The following SLC25A21 variants were observed in gnomAD, a reference collection of about 807,000 sequenced individuals.
SLC25A21 encodes the protein mitochondrial 2-oxodicarboxylate carrier.
SLC25A21 carries 47 observed loss-of-function variants against 43.8 expected under a neutral mutation model. The observed-to-expected ratio is 1.07, with a 90% CI of 0.85 to 1.37. The LOEUF (loss-of-function observed/expected upper bound fraction) is 1.37. Ranked by LOEUF, SLC25A21 falls within the 40% of genes most tolerant of loss-of-function variation. SLC25A21 has a pLI of 0.00. For missense variants in SLC25A21, 352 were observed against 350.2 expected (o/e 1.00, Z -0.04); for synonymous variants, 131 against 121.3 (o/e 1.08, Z -0.52).
intron 2 of SLC25A21, among the ~76,000 whole-genome samples, chr14:36,816,879 C>T (rs1396880577): frequency 2.0e-5 from 3 of 152,070 alleles, no homozygotes; most frequent in African/African-American, 4.8e-5. Context: ...ATCTTCATTT[C>T]TGTATTTGCA....
chr14:36,695,690 T>A (rs1458283380), intron 7 of SLC25A21, among the ~76,000 whole-genome samples: 1 of 152,188 alleles, frequency 6.6e-6, no homozygotes, highest in Non-Finnish European at 1.5e-5. Flanking sequence ...ATGGGAGTTC[T>A]CTCATGATTT....
At chr14:37,114,314 T>G (rs952702190) in intron 1 of SLC25A21, among the ~76,000 whole-genome samples, 2 of 152,206 alleles carry the variant, frequency 1.3e-5, no homozygotes, top group Non-Finnish European at 2.9e-5. Context: ...TTTGAAATGA[T>G]GTTTGAAAGA....
intron 1 of SLC25A21, among the ~76,000 whole-genome samples, chr14:36,910,626 TG>T (rs1891663049): frequency 6.6e-6 from 1 of 152,194 alleles, no homozygotes; most frequent in South Asian, 2.1e-4. Flanking sequence ...GGTTATTACC[TG>T]GGGGAATTCA....
chr14:36,960,026 C>T (rs1959449929), intron 1 of SLC25A21, among the ~76,000 whole-genome samples: 1 of 152,114 alleles, frequency 6.6e-6, no homozygotes, highest in African/African-American at 2.4e-5. Flanking sequence ...TAGGACTGTT[C>T]CCCATAAAAT....
chr14:36,805,155 G>A (rs374671335), intron 3 of SLC25A21, among the ~76,000 whole-genome samples: 4 of 152,130 alleles, frequency 2.6e-5, no homozygotes, highest in Non-Finnish European at 5.9e-5. Flanking sequence ...AGCACCACAC[G>A]CTGAGGGAGG....
intron 2 of SLC25A21, among the ~76,000 whole-genome samples, chr14:36,850,905 C>T (rs925441193): frequency 2.0e-5 from 3 of 152,102 alleles, no homozygotes; most frequent in African/African-American, 7.2e-5. Flanking sequence ...ACACAGGGAC[C>T]ACGGCTGGCA....
intron 1 of SLC25A21, among the ~76,000 whole-genome samples, chr14:37,005,473 G>A (rs1017325447): frequency 1.3e-5 from 2 of 152,106 alleles, no homozygotes; most frequent in Non-Finnish European, 2.9e-5. Context: ...ACAGTACAAA[G>A]ATATACAATT....
chr14:36,860,590 T>C (rs915382608), intron 2 of SLC25A21, among the ~76,000 whole-genome samples: 1 of 152,236 alleles, frequency 6.6e-6, no homozygotes, highest in Non-Finnish European at 1.5e-5. Flanking sequence ...AAAGGAATCA[T>C]GTCTGCTCAC....
intron 2 of SLC25A21, among the ~76,000 whole-genome samples, chr14:36,859,783 A>T (rs1890014283): frequency 6.6e-6 from 1 of 152,212 alleles, no homozygotes; most frequent in African/African-American, 2.4e-5. Flanking sequence ...TATAAGAAAA[A>T]AATCTGTGAA....
intron 1 of SLC25A21, among the ~76,000 whole-genome samples, chr14:37,007,899 C>T (rs753056013): frequency 6.6e-6 from 1 of 152,068 alleles, no homozygotes; most frequent in Non-Finnish European, 1.5e-5. Context: ...AAACTTTCAA[C>T]ATCATTTTGC....
intron 3 of SLC25A21, among the ~76,000 whole-genome samples, chr14:36,775,745 C>T (rs1440433686): frequency 1.3e-5 from 2 of 152,198 alleles, no homozygotes; most frequent in African/African-American, 2.4e-5. Context: ...TGTGAGTGAC[C>T]TTTGTGCCAG....
chr14:36,860,574 G>A (rs552648722), intron 2 of SLC25A21, among the ~76,000 whole-genome samples: 2 of 152,322 alleles, frequency 1.3e-5, no homozygotes, highest in East Asian at 1.9e-4. Flanking sequence ...CTGACAGCCT[G>A]TCCGCAAAGG....
chr14:37,127,860 A>G (rs936772760), intron 1 of SLC25A21, among the ~76,000 whole-genome samples: 4 of 152,198 alleles, frequency 2.6e-5, no homozygotes, highest in Non-Finnish European at 4.4e-5. Flanking sequence ...GAATATACTG[A>G]CACTCAGAGG....
At chr14:36,941,079 G>C (rs1463268872) in intron 1 of SLC25A21, among the ~76,000 whole-genome samples, 1 of 152,004 alleles carries the variant, frequency 6.6e-6, no homozygotes, top group Non-Finnish European at 1.5e-5. Context: ...CATAGGTCCG[G>C]AAAGTTCCTG....
At chr14:36,695,743 T>C (rs1050565248) in intron 7 of SLC25A21, among the ~76,000 whole-genome samples, 1 of 152,236 alleles carries the variant, frequency 6.6e-6, no homozygotes, top group Non-Finnish European at 1.5e-5. Context: ...CTTGTGATTT[T>C]TGCACATTGA....
chr14:36,940,107 G>T (rs370273169), intron 1 of SLC25A21, among the ~76,000 whole-genome samples: 1 of 152,056 alleles, frequency 6.6e-6, no homozygotes, highest in Admixed American at 6.6e-5. Flanking sequence ...TCTAAACTGC[G>T]TATTGCAAAG....
intron 1 of SLC25A21, among the ~76,000 whole-genome samples, chr14:37,066,462 A>G (rs759280006): frequency 7.2e-5 from 11 of 151,952 alleles, no homozygotes; most frequent in African/African-American, 1.2e-4. Context: ...GAAAAAATGG[A>G]TTATGTGAAC....
At chr14:37,089,187 G>A (rs1962538014) in intron 1 of SLC25A21, among the ~76,000 whole-genome samples, 1 of 152,014 alleles carries the variant, frequency 6.6e-6, no homozygotes, top group African/African-American at 2.4e-5. Flanking sequence ...GGCCTCCAAT[G>A]AGGATTAAAA....
At chr14:36,706,777 C>T (rs953984091) in intron 7 of SLC25A21, among the ~76,000 whole-genome samples, 3 of 152,174 alleles carry the variant, frequency 2.0e-5, no homozygotes, top group African/African-American at 7.2e-5. Context: ...GCCCACTTCT[C>T]CCTGTCTCCC....
Sources: allele counts gnomAD v4.1 joint callset (sites outside exome capture counted in the v4.1 genomes callset), GRCh38; gene constraint gnomAD v4.1.1; transcripts MANE v1.5; gene names NCBI Gene and HGNC (gene_info 2026-07-23, HGNC 2026-07-21).